Variants in LAMP3 observed in about 807,000 individuals in gnomAD.
LAMP3 encodes the protein lysosome associated membrane protein 3.
LAMP3 carries 26 observed loss-of-function variants against 34.8 expected under a neutral mutation model. The observed-to-expected ratio is 0.75, with a 90% confidence interval of 0.55 to 1.04. The LOEUF (loss-of-function observed/expected upper bound fraction) is 1.04, where lower values mean the gene tolerates loss of function less well. LAMP3 is among the 50% of genes least tolerant of loss of function. LAMP3 has a pLI of 0.00. For missense variants in LAMP3, 495 were observed against 524.0 expected, an observed-to-expected ratio of 0.94 and a Z score of 0.54; for synonymous variants, 180 against 201.9, an observed-to-expected ratio of 0.89 and a Z score of 0.92.
chr3:183,136,216 A>T (rs1367249372), intron 4 of LAMP3, among the ~76,000 whole-genome samples: 1 of 152,194 alleles, frequency 6.6e-6, no homozygotes, highest in Non-Finnish European at 1.5e-5. Context: ...GGCTACAGAG[A>T]GGCGCCTCCA....
chr3:183,162,397 T>G (rs1161714063), intron 1 of LAMP3, among the ~76,000 whole-genome samples: 2 of 152,062 alleles, frequency 1.3e-5, no homozygotes, highest in East Asian at 1.9e-4. Context: ...TCCAGAACCC[T>G]TTTGGAAGCG....
chr3:183,128,081 G>C (rs1347408236), intron 5 of LAMP3, among the ~76,000 whole-genome samples: 1 of 150,600 alleles, frequency 6.6e-6, no homozygotes, highest in Admixed American at 6.6e-5. Flanking sequence ...CTGGGAGGCG[G>C]AGCTTGCAAT....
intron 5 of LAMP3, among the ~76,000 whole-genome samples, chr3:183,127,148 T>G (rs1407291153): frequency 6.6e-6 from 1 of 152,196 alleles, no homozygotes; most frequent in East Asian, 1.9e-4. Flanking sequence ...CCCAATTTTT[T>G]TTTTGAGACA....
chr3:183,140,469 G>A (rs1720244782), intron 4 of LAMP3, 69 bp downstream of exon 4: 2 of 761,552 alleles, frequency 2.6e-6, no homozygotes, highest in South Asian at 1.4e-5. Context: ...GATTCAATGG[G>A]ATGAAAGGTG....
At chr3:183,151,783 C>T (rs1720642358) in intron 3 of LAMP3, among the ~76,000 whole-genome samples, 1 of 152,094 alleles carries the variant, frequency 6.6e-6, no homozygotes, top group Non-Finnish European at 1.5e-5. Context: ...TTTTCAAATG[C>T]TAAAGACCAA....
At chr3:183,162,308 G>C (rs920888995) in intron 1 of LAMP3, among the ~76,000 whole-genome samples, 1 of 152,106 alleles carries the variant, frequency 6.6e-6, no homozygotes, top group Non-Finnish European at 1.5e-5. Flanking sequence ...ACAAAGCCAA[G>C]ACTCCCATTC....
In LAMP3 at chr3:183,135,754, A is replaced by G. The variant is rs1261591382; in HGVS notation, c.1080T>C (p.Leu360=). The part of the protein sequence containing the change: ...HLQVKTTDVQ[L]QAFDFEDDHF... The stretch of plus-strand genomic sequence containing the variant: ...GGTCATCTTCAAAATCAAAGGCTTG[A>G]AGTTGGACATCGGTTGTTTTCACCT... The change falls in exon 5 of 6, where the codon CTT becomes CTC. Residue 360 remains leucine (L), a synonymous_variant. Coordinates refer to ENST00000265598, the MANE Select transcript of LAMP3 (RefSeq NM_014398.4). 3 of 1,614,172 alleles carry G rather than the reference A, an allele frequency of 1.9e-6. No individual in the cohort carries two copies. The East Asian group carries it at 6.7e-5, about 36-fold the overall frequency.
rs764381302 is a variant in LAMP3, at chr3:183,154,294, T to C, written c.147A>G (p.Lys49=). ...PTAAATVQDI[K]KPVQQPAKQA... ...GCTTAGCTGGTTGCTGGACAGGTTT[T>C]TTTATGTCCTGTACTGTTGCTGCTG... Residue 49 remains lysine (K), a synonymous_variant, in exon 2 of 6, where the codon AAA becomes AAG. Coordinates refer to ENST00000265598, the MANE Select transcript of LAMP3 (RefSeq NM_014398.4). 11 of 1,614,190 alleles carry C rather than the reference T, an allele frequency of 6.8e-6. No homozygotes were observed. Among genetic ancestry groups the C allele is most frequent in the South Asian group, 1.1e-5 (1 of 91,078 alleles).
intron 5 of LAMP3, among the ~76,000 whole-genome samples, chr3:183,125,851 A>G (rs1044655245): frequency 3.3e-5 from 5 of 151,888 alleles, no homozygotes; most frequent in Non-Finnish European, 7.4e-5. Context: ...CCAATTTTTT[A>G]TTTTTTACAG....
In LAMP3 at chr3:183,122,316, T is replaced by C. The variant is rs1285750125; in HGVS notation, c.*1765A>G. ...ACTTACTGAGTCATAAGGAAACACATGAGGAAAGTCAACATGGTCTCTAGG... is the reference window on the plus strand; with the variant it reads ...ACTTACTGAGTCATAAGGAAACACACGAGGAAAGTCAACATGGTCTCTAGG... On this transcript the variant is annotated 3_prime_UTR_variant, in exon 6 of 6. Transcript: ENST00000265598. 1.3e-5 allele frequency: 2 copies of C among 152,318 alleles called. No homozygotes were observed. Among genetic ancestry groups the C allele is most frequent in the East Asian group, 3.9e-4 (2 of 5,180 alleles). 9.4% of individuals were successfully genotyped at this position (152,318 alleles called of 1,614,324 possible).
intron 1 of LAMP3, 51 bp from the exon 2 acceptor site, chr3:183,154,442 G>A (rs1720767976): frequency 3.6e-6 from 5 of 1,378,646 alleles, no homozygotes; most frequent in Non-Finnish European, 5.0e-6. Flanking sequence ...TTGCTTACAA[G>A]GTTCCCTCTC....
chr3:183,153,042 G>A (rs992839655), intron 2 of LAMP3, among the ~76,000 whole-genome samples: 16 of 152,150 alleles, frequency 1.1e-4, no homozygotes, highest in Admixed American at 2.0e-4. Context: ...GGGTGTGATG[G>A]CAGGTGCCTG....
At chr3:183,126,704 C>CA (rs1719789248) in intron 5 of LAMP3, among the ~76,000 whole-genome samples, 1 of 152,006 alleles carries the variant, frequency 6.6e-6, no homozygotes, top group South Asian at 2.1e-4. Flanking sequence ...ACCCCAAGAC[C>CA]ATCCACCAAG....
At chr3:183,147,615 AT>A (rs56320018) in intron 3 of LAMP3, among the ~76,000 whole-genome samples, 112,212 of 150,306 alleles carry the variant, frequency 0.75, 42,082 homozygotes, top group Non-Finnish European at 0.79. Flanking sequence ...AATGAAAACA[AT>A]TTTTTTTTTT....
At position 183,123,906 on chromosome 3, in the gene LAMP3, A is replaced by T. The variant is rs928103161; in HGVS notation, c.*175T>A. 10 of 606,564 alleles carry T rather than the reference A, an allele frequency of 1.6e-5. No homozygotes were observed. In the African/African-American group the frequency reaches 1.9e-4, roughly 12 times the overall value. The allele number at this position is 606,564 out of a possible 1,614,324, so 37.6% of individuals were successfully genotyped here. ...TTCATAAAATAAACAAAAAGTATTT[A>T]GAAATTGATGTGCTGCCTGAACTTA... On this transcript the variant is annotated 3_prime_UTR_variant, in exon 6 of 6. Transcript: ENST00000265598.
At chr3:183,162,739 G>T, upstream of LAMP3, 1 of 1,298,162 alleles carries the variant, frequency 7.7e-7, no homozygotes, top group South Asian at 1.5e-5. Flanking sequence ...ACCTGTGCCG[G>T]AGAAACGAAA....
At chr3:183,138,133 CTT>C (rs1720158748) in intron 4 of LAMP3, among the ~76,000 whole-genome samples, 1 of 151,986 alleles carries the variant, frequency 6.6e-6, no homozygotes, top group African/African-American at 2.4e-5. Flanking sequence ...TCCCCTACCT[CTT>C]GAGAGATTTC....
chr3:183,153,773 A>G lies in LAMP3; in HGVS notation c.668T>C (p.Val223Ala). ...GPTLAPQPSS[V>A]KTGIYQVLNG... ...TAGAACCTGATAAATTCCAGTCTTG[A>G]CTGACGATGGCTGAGGTGCAAGGGT... Residue 223 changes from valine to alanine, a missense_variant, in exon 2 of 6, where the codon GTC (valine) becomes GCC (alanine). By Grantham distance (64) the Val-to-Ala change is moderately conservative (BLOSUM62 0). Transcript: ENST00000265598. 1 of 1,570,726 alleles carries G rather than the reference A, an allele frequency of 6.4e-7. No individual in the cohort carries two copies. The highest frequency in any genetic ancestry group is 1.4e-5 in the African/African-American group (1 of 73,942).
intron 4 of LAMP3, among the ~76,000 whole-genome samples, chr3:183,140,186 C>T (rs919085828): frequency 2.6e-5 from 4 of 152,030 alleles, no homozygotes; most frequent in African/African-American, 7.2e-5. Flanking sequence ...GTGGGTGGAT[C>T]GCCTGAGGTC....
Sources: allele counts gnomAD v4.1 joint callset (sites outside exome capture counted in the v4.1 genomes callset), GRCh38; gene constraint gnomAD v4.1.1; transcripts MANE v1.5; gene names NCBI Gene and HGNC (gene_info 2026-07-23, HGNC 2026-07-21).